The following PARD3B variants were observed in gnomAD, a reference collection of about 807,000 sequenced individuals.
The protein encoded by PARD3B is par-3 family cell polarity regulator beta.
A neutral mutation model predicts 130.2 loss-of-function variants in PARD3B; 103 were observed. The observed-to-expected ratio is 0.79, with a 90% confidence interval of 0.67 to 0.93. The LOEUF (loss-of-function observed/expected upper bound fraction) is 0.93, where lower values mean the gene tolerates loss of function less well. Among genes scored for constraint, PARD3B ranks in the 40% least tolerant of loss-of-function variants. PARD3B has a pLI of 0.00. For synonymous variants in PARD3B, 583 were observed against 553.2 expected (o/e 1.05, Z -0.76); for missense variants, 1,609 against 1,499.2 (o/e 1.07, Z -1.21).
Position 205,366,040 on chromosome 2 carries a change from C to G in PARD3B, c.2631-34973C>G, listed in dbSNP as rs888268804. 2.6e-5 allele frequency among the ~76,000 whole-genome samples: 4 copies of G among 152,094 alleles called. No homozygotes were observed. Among genetic ancestry groups the G allele is most frequent in the Admixed American group, 6.5e-5 (1 of 15,272 alleles). ...GCAAAAGATTATCCATTTATCCTAT[C>G]TATCTACCCACCCACCCATCTATCC... On this transcript the variant is annotated intron_variant, in intron 18 of 22. Coordinates refer to ENST00000406610, the MANE Select transcript of PARD3B (RefSeq NM_001302769.2). This position sits in a 1 kb window ranked among gnomAD's most constrained non-coding sequence, Gnocchi z 5.0.
rs150580666 is a variant in PARD3B, at chr2:205,423,948, G to A, written c.2742-16422G>A. 3.9e-3 allele frequency among the ~76,000 whole-genome samples: 597 copies of A among 152,244 alleles called. 3 individuals are homozygous for A. Among genetic ancestry groups the A allele is most frequent in the Non-Finnish European group, 7.1e-3 (486 of 68,010 alleles). On this transcript the variant is annotated intron_variant, in intron 19 of 22. Coordinates refer to ENST00000406610, the MANE Select transcript of PARD3B (RefSeq NM_001302769.2). ...CCTTTTGGAAGATGGAGGATAGGAGGAGGGAGGGGATCAGGAAAAATAGCT... is the reference window on the plus strand; with the variant it reads ...CCTTTTGGAAGATGGAGGATAGGAGAAGGGAGGGGATCAGGAAAAATAGCT...
chr2:205,291,940 A>G lies in PARD3B; in HGVS notation c.2186-8590A>G, dbSNP rs779879634. Among the ~76,000 whole-genome samples, 3 of 152,322 alleles carry G rather than the reference A, an allele frequency of 2.0e-5. No homozygotes were observed. In the East Asian group the frequency reaches 5.8e-4, roughly 29 times the overall value. On this transcript the variant is annotated intron_variant, in intron 16 of 22. Coordinates refer to ENST00000406610, the MANE Select transcript of PARD3B (RefSeq NM_001302769.2). The surrounding 1 kb of genome is among the most constrained non-coding windows in gnomAD (Gnocchi z 4.6). ...AGGCAATTCAGTGATCATCAGGACA[A>G]TCCTTCCTACCAACAGGCCCAGAGT...
At chr2:205,315,238 C>G (rs2042524023) in intron 18 of PARD3B, among the ~76,000 whole-genome samples, 1 of 152,196 alleles carries the variant, frequency 6.6e-6, no homozygotes, top group African/African-American at 2.4e-5. Flanking sequence ...CTACTTCCTT[C>G]TAGCTGTTAG....
chr2:205,178,096 G>A (rs1390143267), intron 13 of PARD3B, among the ~76,000 whole-genome samples: 1 of 129,786 alleles, frequency 7.7e-6, no homozygotes. Context: ...ACCTAAGGTC[G>A]GAAGTTCGAG....
At chr2:205,507,415 C>A (rs946448579) in intron 21 of PARD3B, among the ~76,000 whole-genome samples, 9 of 151,696 alleles carry the variant, frequency 5.9e-5, no homozygotes, top group African/African-American at 1.9e-4. Flanking sequence ...GGGGTTTCAC[C>A]GTGTTAGCCA....
At position 205,113,687 on chromosome 2, in the gene PARD3B, A is replaced by G. The variant is rs1182824744; in HGVS notation, c.680+110A>G. On this transcript the variant is annotated intron_variant, in intron 6 of 22. Coordinates refer to ENST00000406610, the MANE Select transcript of PARD3B (RefSeq NM_001302769.2). ...ATTAAATGTGAATTCTATTATTCAA[A>G]TGGATACCTCAAGACATACTTCTGT... 3 of 753,088 alleles carry G rather than the reference A, an allele frequency of 4.0e-6. No individual in the cohort carries two copies. In the African/African-American group the frequency reaches 5.3e-5, roughly 13 times the overall value. The allele number at this position is 753,088 out of a possible 1,614,324, so 46.7% of individuals were successfully genotyped here.
intron 2 of PARD3B, among the ~76,000 whole-genome samples, chr2:204,757,360 C>A (rs1428763582): frequency 6.6e-6 from 1 of 152,178 alleles, no homozygotes; most frequent in South Asian, 2.1e-4. Flanking sequence ...AGGGACTAAC[C>A]TCATTTGCAT....
intron 16 of PARD3B, among the ~76,000 whole-genome samples, chr2:205,271,007 T>G (rs2040704552): frequency 6.6e-6 from 1 of 151,942 alleles, no homozygotes; most frequent in East Asian, 1.9e-4. Context: ...GAAATGGGGG[T>G]GGGATGACCA....
chr2:204,897,484 T>C (rs1340975417), intron 2 of PARD3B, among the ~76,000 whole-genome samples: 3 of 151,902 alleles, frequency 2.0e-5, no homozygotes, highest in South Asian at 2.1e-4. Context: ...CTGATTATTT[T>C]TTTTCTTAAA....
chr2:204,947,929 A>G (rs1016630988), intron 2 of PARD3B, among the ~76,000 whole-genome samples: 1 of 152,210 alleles, frequency 6.6e-6, no homozygotes, highest in African/African-American at 2.4e-5. Flanking sequence ...ACTACTTTGT[A>G]TACTCATGTG....
chr2:204,948,655 C>T (rs981939812), intron 2 of PARD3B, among the ~76,000 whole-genome samples: 3 of 152,204 alleles, frequency 2.0e-5, no homozygotes, highest in Non-Finnish European at 2.9e-5. Flanking sequence ...ATTTATCTTA[C>T]AGGGTTTTCT....
In PARD3B at chr2:205,148,552, C is replaced by G. The variant is rs111538583; in HGVS notation, c.1435-10170C>G. Among the ~76,000 whole-genome samples, 331 of 152,250 alleles carry G rather than the reference C, an allele frequency of 2.2e-3. 2 individuals carry two copies. Among genetic ancestry groups the G allele is most frequent in the African/African-American group, 7.3e-3 (303 of 41,562 alleles). On this transcript the variant is annotated intron_variant, in intron 10 of 22. Coordinates refer to ENST00000406610, the MANE Select transcript of PARD3B (RefSeq NM_001302769.2). ...TAATTTCAGAAAATTAAGTGTCTTG[C>G]AGGTGTCTTATCCTTTCATTGTTGT...
intron 1 of PARD3B, among the ~76,000 whole-genome samples, chr2:204,642,975 G>A (rs570210130): frequency 6.6e-5 from 10 of 151,160 alleles, no homozygotes; most frequent in Non-Finnish European, 1.0e-4. Context: ...TTAGCCAGGC[G>A]TGGTGGCAGG....
chr2:204,794,936 T>G (rs1041523293), intron 2 of PARD3B, among the ~76,000 whole-genome samples: 2 of 152,216 alleles, frequency 1.3e-5, no homozygotes, highest in East Asian at 3.8e-4. Context: ...TAATATAAAT[T>G]CTAATAAGCT....
At chr2:205,277,880 C>G (rs1479181083) in intron 16 of PARD3B, among the ~76,000 whole-genome samples, 4 of 151,840 alleles carry the variant, frequency 2.6e-5, no homozygotes, top group Non-Finnish European at 5.9e-5. Flanking sequence ...AAACAGATGC[C>G]CAGAGGGAGA....
chr2:205,068,742 C>T (rs1036877804), intron 4 of PARD3B, among the ~76,000 whole-genome samples: 2 of 152,048 alleles, frequency 1.3e-5, no homozygotes, highest in African/African-American at 4.8e-5. Context: ...TTTCATTTGC[C>T]TTTCATTTCT....
chr2:205,384,786 A>G (rs1451014889), intron 18 of PARD3B, among the ~76,000 whole-genome samples: 3 of 152,120 alleles, frequency 2.0e-5, no homozygotes, highest in Non-Finnish European at 2.9e-5. Flanking sequence ...AGAGAGAACC[A>G]TAGTTTCCAT....
intron 4 of PARD3B, among the ~76,000 whole-genome samples, chr2:205,065,895 G>T (rs115661623): frequency 7.7e-4 from 117 of 152,196 alleles, no homozygotes; most frequent in African/African-American, 2.7e-3. Flanking sequence ...CCCAATCTCA[G>T]ATACTCCATT....
At chr2:204,955,369 G>A (rs1018531259) in intron 2 of PARD3B, among the ~76,000 whole-genome samples, 3 of 152,218 alleles carry the variant, frequency 2.0e-5, no homozygotes, top group Non-Finnish European at 4.4e-5. Context: ...ATGCAATTTT[G>A]CATTGAACCT....
Sources: allele counts gnomAD v4.1 joint callset (sites outside exome capture counted in the v4.1 genomes callset), GRCh38; gene constraint gnomAD v4.1.1; non-coding constraint Gnocchi (gnomAD v3.1); transcripts MANE v1.5; gene names NCBI Gene and HGNC (gene_info 2026-07-23, HGNC 2026-07-21).